Variants in GRIP2 observed in about 807,000 individuals in gnomAD.
The protein encoded by GRIP2 is glutamate receptor interacting protein 2.
Under a neutral mutation model 108.3 loss-of-function variants are expected in GRIP2, and 58 were observed. The observed-to-expected ratio is 0.54, with a 90% CI of 0.43 to 0.67. The LOEUF (loss-of-function observed/expected upper bound fraction) is 0.67. Among genes scored for constraint, GRIP2 ranks in the 30% least tolerant of loss-of-function variants. GRIP2 has a pLI of 0.00. For missense variants in GRIP2, 1,278 were observed against 1,430.6 expected (o/e 0.89, Z 1.72); for synonymous variants, 586 against 598.2 (o/e 0.98, Z 0.30).
the GRIP2 span, among the ~76,000 whole-genome samples, chr3:14,575,811 C>T: frequency 4.2e-4 from 64 of 152,298 alleles, no homozygotes; most frequent in South Asian, 2.1e-3. Context: ...GCTTGAGGGG[C>T]GGGCTGGCAG....
intron 1 of GRIP2, among the ~76,000 whole-genome samples, chr3:14,526,533 G>C (rs1694558548): frequency 6.6e-6 from 1 of 152,176 alleles, no homozygotes; most frequent in South Asian, 2.1e-4. Flanking sequence ...TAGGCAGCCT[G>C]AGATAAGTCT....
the GRIP2 span, among the ~76,000 whole-genome samples, chr3:14,594,777 G>A: frequency 6.6e-6 from 1 of 152,226 alleles, no homozygotes; most frequent in South Asian, 2.1e-4. Flanking sequence ...TTCTGCCTCA[G>A]TTTCCTCATC....
the GRIP2 span, among the ~76,000 whole-genome samples, chr3:14,583,274 T>G: frequency 1.7e-4 from 26 of 152,164 alleles, no homozygotes; most frequent in Admixed American, 1.7e-3. Flanking sequence ...AGCCCTGTGA[T>G]GAGGCCAGTG....
At chr3:14,574,057 C>T in the GRIP2 span, 1 of 1,502,462 alleles carries the variant, frequency 6.7e-7, no homozygotes, top group Admixed American at 1.7e-5. Flanking sequence ...TCCTGCTGCA[C>T]GTACTTGACG....
intron 19 of GRIP2, among the ~76,000 whole-genome samples, chr3:14,506,259 G>A (rs894536775): frequency 1.3e-5 from 2 of 152,162 alleles, no homozygotes; most frequent in East Asian, 1.9e-4. Flanking sequence ...TTGGACCATG[G>A]GGAGTTCCGG....
chr3:14,579,641 G>A, the GRIP2 span, among the ~76,000 whole-genome samples: 47 of 151,572 alleles, frequency 3.1e-4, no homozygotes, highest in Admixed American at 1.6e-3. Context: ...CCACAGCCCT[G>A]GAGTCAGGCC....
intron 5 of GRIP2, chr3:14,523,300 C>T: frequency 1.7e-6 from 1 of 579,706 alleles, no homozygotes; most frequent in Admixed American, 3.2e-5. Context: ...AAATGGCTTG[C>T]CTCCCTTCTG....
the GRIP2 span, among the ~76,000 whole-genome samples, chr3:14,581,797 G>A: frequency 6.6e-6 from 1 of 152,184 alleles, no homozygotes; most frequent in Non-Finnish European, 1.5e-5. Context: ...AGTTGGGGTT[G>A]GGTTTCTACC....
chr3:14,501,712 TTTTACTTATTTTTTGA>T (rs1201595410), intron 21 of GRIP2, among the ~76,000 whole-genome samples: 11 of 152,256 alleles, frequency 7.2e-5, no homozygotes, highest in Non-Finnish European at 1.0e-4. Flanking sequence ...TAAGTTTTAC[TTTTACTTATTTTTTGA>T]TTTACTTATT....
chr3:14,556,469 AT>A (rs1695238056), upstream of GRIP2, among the ~76,000 whole-genome samples: 1 of 152,180 alleles, frequency 6.6e-6, no homozygotes, highest in Non-Finnish European at 1.5e-5. Flanking sequence ...AACACATTTC[AT>A]ACTAGGTTGA....
At chr3:14,556,058 G>A (rs2124986771) in exon 1 of GRIP2, 1 of 398,422 alleles carries the variant, frequency 2.5e-6, no homozygotes, top group Non-Finnish European at 4.4e-6. Flanking sequence ...GCGCTAACTG[G>A]CACAGGCTGG....
chr3:14,525,424 G>A lies in GRIP2; in HGVS notation c.257+13C>T. The A allele has an allele frequency of 6.2e-7, 1 of 1,607,216 alleles. No homozygotes were observed. Among genetic ancestry groups the A allele is most frequent in the East Asian group, 2.2e-5 (1 of 44,538 alleles). ...CACCCCCCTCCTGCGGCCGTGCCAA[G>A]CCCACTTCTCACCTGGCTGCAAGTC... On this transcript the variant is annotated intron_variant, in intron 3 of 23. Transcript: ENST00000621039.
chr3:14,524,164 G>A lies in GRIP2; in HGVS notation c.403+229C>T, dbSNP rs532104161. The A allele has an allele frequency of 8.5e-6, 5 of 585,454 alleles. No individual in the cohort carries two copies. In the East Asian group the frequency reaches 8.6e-5, roughly 10 times the overall value. 36.3% of individuals were successfully genotyped at this position (585,454 alleles called of 1,614,324 possible). On this transcript the variant is annotated intron_variant, in intron 4 of 23. Transcript: ENST00000621039. Reference sequence around the variant, plus strand: ...CCCCGCTAAAGGAAAAGCATCTGGAGACTAAATATGTAAAATGACATTGGC... The same window carrying A: ...CCCCGCTAAAGGAAAAGCATCTGGAAACTAAATATGTAAAATGACATTGGC...
At chr3:14,594,824 G>C in the GRIP2 span, among the ~76,000 whole-genome samples, 4 of 152,212 alleles carry the variant, frequency 2.6e-5, no homozygotes, top group African/African-American at 7.2e-5. Context: ...TACCTCACAG[G>C]GTTGTTATGA....
In GRIP2 at chr3:14,521,696, G is replaced by T. The variant is rs755847798; in HGVS notation, c.658C>A (p.Arg220=). 1.9e-6 allele frequency: 3 copies of T among 1,611,400 alleles called. No individual in the cohort carries two copies. The highest frequency in any genetic ancestry group is 2.5e-6 in the Non-Finnish European group (3 of 1,179,006). The change falls in exon 7 of 24, where the codon CGG becomes AGG. Residue 220 remains arginine (R), a synonymous_variant. Transcript: ENST00000621039. The surrounding 1 kb of genome is among the most constrained non-coding windows in gnomAD (Gnocchi z 5.1). ...AAGAGTGCCTCGTGGCTGCACTGCC[G>T]CAGGGTGGCCAGGGCGGTGGCATGG... is the stretch of plus-strand genomic sequence containing the variant. ...ASHATALATL[R]QCSHEALFQV...
upstream of GRIP2, among the ~76,000 whole-genome samples, chr3:14,545,097 A>G (rs910289753): frequency 3.3e-5 from 5 of 152,252 alleles, no homozygotes; most frequent in African/African-American, 1.2e-4. Context: ...CGCAAGAGCA[A>G]AGCATGGCAG....
the GRIP2 span, among the ~76,000 whole-genome samples, chr3:14,599,685 C>CTGTGTGTG: frequency 1.3e-4 from 16 of 127,558 alleles, no homozygotes; most frequent in African/African-American, 2.9e-4. Context: ...CTCTCTCTCT[C>CTGTGTGTG]TGTGTGTGTG....
upstream of GRIP2, among the ~76,000 whole-genome samples, chr3:14,559,494 T>C (rs550919406): frequency 1.3e-5 from 2 of 150,472 alleles, no homozygotes; most frequent in South Asian, 4.2e-4. Flanking sequence ...TAGTTTCTAA[T>C]GGTAGCATCC....
In GRIP2 at chr3:14,511,359, G is replaced by A. The variant is rs751616265; in HGVS notation, c.1788-49C>T. 39 of 1,613,830 alleles carry A rather than the reference G, an allele frequency of 2.4e-5. No homozygotes were observed. Among genetic ancestry groups the A allele is most frequent in the Non-Finnish European group, 3.3e-5 (39 of 1,179,860 alleles). ...GATGGAAGGAGCCTGGTGCATGCAGGTGCCATACTCACTGCTGTTGGCCAC... is the reference window on the plus strand; with the variant it reads ...GATGGAAGGAGCCTGGTGCATGCAGATGCCATACTCACTGCTGTTGGCCAC... On this transcript the variant is annotated intron_variant, in intron 15 of 23. Transcript: ENST00000621039. This position sits in a 1 kb window ranked among gnomAD's most constrained non-coding sequence, Gnocchi z 4.1.
Sources: gnomAD v4.1 joint callset for allele counts (sites outside exome capture counted in the v4.1 genomes callset) on GRCh38, gnomAD v4.1.1 for gene constraint, Gnocchi (gnomAD v3.1) non-coding constraint, MANE v1.5 for transcripts, NCBI Gene and HGNC (gene_info 2026-07-23, HGNC 2026-07-21) for gene names.